VPS35L: variants seen among roughly 807,000 people sequenced by gnomAD.
The protein encoded by VPS35L is VPS35 endosomal protein-sorting factor-like.
Under a neutral mutation model 133.0 loss-of-function variants are expected in VPS35L, and 83 were observed. The observed-to-expected ratio is 0.62, with a 90% CI of 0.52 to 0.75. The LOEUF is 0.75. VPS35L is among the 30% of genes least tolerant of loss of function. VPS35L has a pLI of 0.00. For missense variants in VPS35L, 1,083 were observed against 1,206.8 expected (o/e 0.90, Z 1.52); for synonymous variants, 423 against 449.9 (o/e 0.94, Z 0.76).
intron 8 of VPS35L, among the ~76,000 whole-genome samples, chr16:19,599,685 T>G (rs1359844834): frequency 6.6e-6 from 1 of 152,070 alleles, no homozygotes; most frequent in Non-Finnish European, 1.5e-5. Context: ...TCTTTTCCAG[T>G]AGCTCTAAGG....
Position 19,699,679 on chromosome 16 carries a change from G to A in VPS35L, c.2793+31G>A, listed in dbSNP as rs1214457747. 1 of 1,609,330 alleles carries A rather than the reference G, an allele frequency of 6.2e-7. No homozygotes were observed. The highest frequency in any genetic ancestry group is 1.3e-5 in the African/African-American group (1 of 75,020). ...GCGCTCGGAGGGCCCCGTGGTATAAGCCCACTGGCCAGTGCACAACCACCC... is the reference window on the plus strand; with the variant it reads ...GCGCTCGGAGGGCCCCGTGGTATAAACCCACTGGCCAGTGCACAACCACCC... On this transcript the variant is annotated intron_variant, in intron 30 of 30. Transcript: ENST00000417362. The surrounding 1 kb of genome is among the most constrained non-coding windows in gnomAD (Gnocchi z 4.2).
intron 9 of VPS35L, among the ~76,000 whole-genome samples, chr16:19,606,021 C>A (rs1182406890): frequency 1.3e-5 from 2 of 152,206 alleles, no homozygotes; most frequent in African/African-American, 2.4e-5. Context: ...TAAAGTCCCA[C>A]GTAACATAAT....
At position 19,637,674 on chromosome 16, in the gene VPS35L, A is replaced by T; in HGVS notation, c.1698+18A>T. ...TCTCAGTGGTAAGTAGGATTTCTTAATTATCTTTGGAAATTTGTACCTGGC... is the reference window on the plus strand; with the variant it reads ...TCTCAGTGGTAAGTAGGATTTCTTATTTATCTTTGGAAATTTGTACCTGGC... On this transcript the variant is annotated intron_variant, in intron 20 of 30. Coordinates refer to ENST00000417362, the MANE Select transcript of VPS35L (RefSeq NM_020314.7). The T allele has an allele frequency of 6.5e-7, 1 of 1,539,044 alleles. No homozygotes were observed. The highest frequency in any genetic ancestry group is 1.4e-5 in the African/African-American group (1 of 72,440).
At chr16:19,657,340 C>T (rs1974338875) in intron 26 of VPS35L, among the ~76,000 whole-genome samples, 1 of 151,660 alleles carries the variant, frequency 6.6e-6, no homozygotes, top group African/African-American at 2.4e-5. Context: ...TCTTTTAGAA[C>T]TTACTTTCTT....
intron 27 of VPS35L, among the ~76,000 whole-genome samples, chr16:19,675,551 T>G (rs975840888): frequency 6.6e-6 from 1 of 152,012 alleles, no homozygotes; most frequent in East Asian, 1.9e-4. Context: ...AACTCCATAC[T>G]GTTTTTGTTT....
chr16:19,587,455 C>T (rs2151523505), intron 7 of VPS35L: 1 of 360,070 alleles, frequency 2.8e-6, no homozygotes, highest in South Asian at 2.0e-5. Flanking sequence ...CATGGAGAAA[C>T]CCTGTCTCTA....
chr16:19,682,302 C>T lies in VPS35L; in HGVS notation c.2439C>T (p.Asn813=). The T allele has an allele frequency of 1.2e-6, 2 of 1,613,430 alleles. No individual in the cohort carries two copies. The highest frequency in any genetic ancestry group is 1.7e-6 in the Non-Finnish European group (2 of 1,179,830). ...TCCAGGACTACACCTGGGAGGACAA[C>T]AGCGATGAGAAAATCCGCATCTACA... ...NVIQDYTWED[N]SDEKIRIYTC... is the part of the protein sequence containing the mutation. The change falls in exon 28 of 31, where the codon AAC becomes AAT. Residue 813 remains asparagine (N), a synonymous_variant. Transcript: ENST00000417362.
intron 1 of VPS35L, among the ~76,000 whole-genome samples, chr16:19,556,909 G>A (rs1448119434): frequency 3.3e-5 from 5 of 151,614 alleles, no homozygotes; most frequent in Non-Finnish European, 7.4e-5. Flanking sequence ...CGGATCACCT[G>A]AGGTCAGGGG....
Position 19,698,736 on chromosome 16 carries a change from C to T in VPS35L, c.2647-766C>T, listed in dbSNP as rs114703615. Among the ~76,000 whole-genome samples the T allele has an allele frequency of 5.8e-3, 880 of 152,226 alleles. 11 individuals are homozygous for T. The highest frequency in any genetic ancestry group is 0.02 in the African/African-American group (832 of 41,544). ...GATGTTGTGCAGATGTGGGATCTGC[C>T]GTGGCCCCATGGGCTTCCTGAACAG... On this transcript the variant is annotated intron_variant, in intron 29 of 30. Coordinates refer to ENST00000417362, the MANE Select transcript of VPS35L (RefSeq NM_020314.7).
intron 24 of VPS35L, 68 bp from the exon 25 acceptor site, chr16:19,650,314 T>G: frequency 8.0e-7 from 1 of 1,255,648 alleles, no homozygotes; most frequent in Non-Finnish European, 1.2e-6. Context: ...TGTTGAGATC[T>G]CTATGGAAGA....
intron 14 of VPS35L, among the ~76,000 whole-genome samples, chr16:19,620,359 A>C (rs1331468279): frequency 1.3e-5 from 2 of 152,230 alleles, no homozygotes; most frequent in Non-Finnish European, 2.9e-5. Context: ...GTATGCATGT[A>C]AAACTTGGTG....
chr16:19,664,288 G>A (rs1323327052), intron 26 of VPS35L, among the ~76,000 whole-genome samples: 2 of 152,004 alleles, frequency 1.3e-5, no homozygotes, highest in African/African-American at 2.4e-5. Flanking sequence ...ATACGGGGAC[G>A]GTGGCTGCGT....
Position 19,630,326 on chromosome 16 carries a change from GT to G in VPS35L, c.1554+531del, listed in dbSNP as rs201807727. 8.1e-3 allele frequency among the ~76,000 whole-genome samples: 867 copies of G among 106,460 alleles called. 1 individual carries two copies. The highest frequency in any genetic ancestry group is 0.025 in the African/African-American group (667 of 26,958). The allele number at this position is 106,460 out of a possible 152,430, so 69.8% of individuals were successfully genotyped here. ...TGTTTATTTTAATCAAGTCCTAAAA[GT>G]TTTTTTTTTTTTTTTTTTTTTTTTG... is the stretch of plus-strand genomic sequence containing the variant. On this transcript the variant is annotated intron_variant, in intron 18 of 30. Transcript: ENST00000417362.
intron 28 of VPS35L, among the ~76,000 whole-genome samples, chr16:19,690,079 ATTT>A (rs1975614052): frequency 6.6e-6 from 1 of 151,776 alleles, no homozygotes; most frequent in Non-Finnish European, 1.5e-5. Flanking sequence ...AACACAGCTA[ATTT>A]TATTTGGAGA....
chr16:19,699,690 A>G lies in VPS35L; in HGVS notation c.2793+42A>G, dbSNP rs765461814. On this transcript the variant is annotated intron_variant, in intron 30 of 30. Transcript: ENST00000417362. The surrounding 1 kb of genome is among the most constrained non-coding windows in gnomAD (Gnocchi z 4.2). ...GCCCCGTGGTATAAGCCCACTGGCC[A>G]GTGCACAACCACCCTCAACACAGCA... The G allele has an allele frequency of 6.2e-7, 1 of 1,606,882 alleles. No individual in the cohort carries two copies.
At chr16:19,579,182 G>A (rs1282310083) in intron 6 of VPS35L, 54 bp downstream of exon 6, 5 of 1,533,264 alleles carry the variant, frequency 3.3e-6, no homozygotes, top group Non-Finnish European at 4.5e-6. Context: ...CCTTCCTCCT[G>A]CCAAGTGAGA....
intron 8 of VPS35L, among the ~76,000 whole-genome samples, chr16:19,601,249 G>A (rs746266500): frequency 4.6e-5 from 7 of 152,074 alleles, no homozygotes; most frequent in Non-Finnish European, 1.0e-4. Flanking sequence ...TTTACGTGTT[G>A]GTAACCAATT....
intron 27 of VPS35L, among the ~76,000 whole-genome samples, chr16:19,671,178 A>G (rs895411163): frequency 6.6e-6 from 1 of 152,174 alleles, no homozygotes; most frequent in Non-Finnish European, 1.5e-5. Flanking sequence ...ATTAAAAATA[A>G]TATTCCAAGG....
rs749546791 is a variant in VPS35L, at chr16:19,633,088, T to G, written c.1555-4T>G. ...TTCAGGTTTGGTTCCTTTTTCCTGC[T>G]TAGAAACGAGAGGTGAATACCGTTT... On this transcript the variant is annotated splice_region_variant and splice_polypyrimidine_tract_variant and intron_variant, in intron 18 of 30. Coordinates refer to ENST00000417362, the MANE Select transcript of VPS35L (RefSeq NM_020314.7). The surrounding 1 kb of genome is among the most constrained non-coding windows in gnomAD (Gnocchi z 4.1). 6.2e-7 allele frequency: 1 copy of G among 1,614,072 alleles called. No homozygotes were observed. Among genetic ancestry groups the G allele is most frequent in the Non-Finnish European group, 8.5e-7 (1 of 1,179,906 alleles).
Sources: gnomAD v4.1 joint callset for allele counts (sites outside exome capture counted in the v4.1 genomes callset) on GRCh38, gnomAD v4.1.1 for gene constraint, Gnocchi (gnomAD v3.1) non-coding constraint, MANE v1.5 for transcripts, NCBI Gene and HGNC (gene_info 2026-07-23, HGNC 2026-07-21) for gene names.